The following CEP162 variants were observed in gnomAD, a reference collection of about 807,000 sequenced individuals.
The protein encoded by CEP162 is centrosomal protein of 162 kDa.
CEP162 carries 141 observed loss-of-function variants against 169.2 expected under a neutral mutation model. That is an observed-to-expected ratio of 0.83 (90% CI 0.73 to 0.96). The LOEUF is 0.96. Among genes scored for constraint, CEP162 ranks in the 40% least tolerant of loss-of-function variants. The pLI, the probability that CEP162 is intolerant of heterozygous loss-of-function variation, is 0.00. For missense variants in CEP162, 1,600 were observed against 1,587.2 expected (o/e 1.01, Z -0.14); for synonymous variants, 540 against 526.4 (o/e 1.03, Z -0.35).
In CEP162 at chr6:84,160,809, T is replaced by A. The variant is rs766912990; in HGVS notation, c.2781+3A>T. ...CTCATGAAAATTTACCCTGAACACA[T>A]ACTTGTCGCTCCAGATCCTGAATTT... On this transcript the variant is annotated splice_donor_region_variant and intron_variant, in intron 21 of 26. Transcript: ENST00000403245. The A allele has an allele frequency of 6.3e-7, 1 of 1,577,822 alleles. No individual in the cohort carries two copies. Among genetic ancestry groups the A allele is most frequent in the Non-Finnish European group, 8.7e-7 (1 of 1,147,400 alleles).
chr6:84,155,033 C>T (rs1463841346), intron 22 of CEP162, among the ~76,000 whole-genome samples: 1 of 152,078 alleles, frequency 6.6e-6, no homozygotes, highest in Non-Finnish European at 1.5e-5. Context: ...TCTGCTTTTT[C>T]ATGACTTAAT....
intron 22 of CEP162, among the ~76,000 whole-genome samples, chr6:84,153,699 G>A (rs187775241): frequency 5.9e-5 from 9 of 152,210 alleles, no homozygotes; most frequent in Admixed American, 5.2e-4. Context: ...TTTCTCCTAC[G>A]GAGGGAGGCA....
rs1238603391 is a variant in CEP162, at chr6:84,125,008, G to A, written c.*62C>T. The A allele has an allele frequency of 4.1e-6, 5 of 1,231,208 alleles. No individual in the cohort carries two copies. Among genetic ancestry groups the A allele is most frequent in the Non-Finnish European group, 4.7e-6 (4 of 852,922 alleles). The allele number at this position is 1,231,208 out of a possible 1,614,324, so 76.3% of individuals were successfully genotyped here. A position where few individuals can be genotyped will look rare whatever the true frequency, so the allele number is the denominator to read the frequency against. ...TTGTTTTTCATAAGCTGTCCTGACA[G>A]TGGCACAATCCCATCCATCTTCAGG... is the stretch of plus-strand genomic sequence containing the variant. On this transcript the variant is annotated 3_prime_UTR_variant, in exon 27 of 27. Coordinates refer to ENST00000403245, the MANE Select transcript of CEP162 (RefSeq NM_014895.4).
chr6:84,221,450 G>GA (rs1280715135), intron 2 of CEP162, among the ~76,000 whole-genome samples: 3 of 151,786 alleles, frequency 2.0e-5, no homozygotes, highest in Non-Finnish European at 4.4e-5. Context: ...TTTCAGCAAA[G>GA]AAAAAACGGG....
intron 25 of CEP162, among the ~76,000 whole-genome samples, chr6:84,129,481 C>G (rs1038871593): frequency 3.9e-5 from 6 of 152,164 alleles, no homozygotes; most frequent in Non-Finnish European, 7.3e-5. Flanking sequence ...GCATAAATGT[C>G]TTCTTTTGAA....
At position 84,124,991 on chromosome 6, in the gene CEP162, C is replaced by T. The variant is rs2099508321; in HGVS notation, c.*79G>A. On this transcript the variant is annotated 3_prime_UTR_variant, in exon 27 of 27. Transcript: ENST00000403245. ...GAAACATATTGGAACACTTGTTTTT[C>T]ATAAGCTGTCCTGACAGTGGCACAA... 6 of 1,056,064 alleles carry T rather than the reference C, an allele frequency of 5.7e-6. No homozygotes were observed. In the South Asian group the frequency reaches 5.9e-5, roughly 10 times the overall value. 65.4% of individuals were successfully genotyped at this position (1,056,064 alleles called of 1,614,324 possible).
intron 2 of CEP162, among the ~76,000 whole-genome samples, chr6:84,223,716 G>A (rs2099554649): frequency 6.6e-6 from 1 of 151,442 alleles, no homozygotes; most frequent in South Asian, 2.1e-4. Context: ...GGACCAGACT[G>A]GCCAACATGG....
At chr6:84,210,067 G>C (rs1002726985) in intron 6 of CEP162, among the ~76,000 whole-genome samples, 11 of 152,192 alleles carry the variant, frequency 7.2e-5, no homozygotes, top group African/African-American at 2.7e-4. Flanking sequence ...AAACATCAGA[G>C]ATAATATCTA....
intron 6 of CEP162, among the ~76,000 whole-genome samples, chr6:84,210,092 G>A (rs1253688443): frequency 6.6e-6 from 1 of 152,186 alleles, no homozygotes; most frequent in Non-Finnish European, 1.5e-5. Context: ...CTTCCACATT[G>A]TTCGGAAAAC....
At position 84,226,534 on chromosome 6, in the gene CEP162, TTA is replaced by T. The variant is rs1179218098; in HGVS notation, c.-59-84_-59-83del. On this transcript the variant is annotated intron_variant, in intron 1 of 26. Transcript: ENST00000403245. ...ACCAGACTTAAACTTCGGACATTTG[TTA>T]TGATTCAGTATATATGCACAATTTT... 4.5e-6 allele frequency: 3 copies of T among 663,372 alleles called. No homozygotes were observed. The African/African-American group carries it at 5.5e-5, about 12-fold the overall frequency. 41.1% of individuals were successfully genotyped at this position (663,372 alleles called of 1,614,324 possible).
chr6:84,144,730 A>C (rs1314767309), intron 25 of CEP162, among the ~76,000 whole-genome samples: 1 of 152,092 alleles, frequency 6.6e-6, no homozygotes, highest in Non-Finnish European at 1.5e-5. Context: ...GGACTAAGTA[A>C]ACTGATGAAG....
In CEP162 at chr6:84,175,279, A is replaced by C. The variant is rs760882056; in HGVS notation, c.1732T>G (p.Cys578Gly). Residue 578 changes from cysteine to glycine, a missense_variant, in exon 14 of 27, where the codon TGC becomes GGC. Physicochemically the swap from Cys to Gly is radical, Grantham distance 159. Transcript: ENST00000403245. ...LDKPAHKTES[C>G]LSTRKKSENP... Reference sequence around the variant, plus strand: ...TCAGACTTCTTACGAGTAGACAGGCAACTTTCAGTTTTGTGAGCTGGTTTA... The same window carrying C: ...TCAGACTTCTTACGAGTAGACAGGCCACTTTCAGTTTTGTGAGCTGGTTTA... The C allele has an allele frequency of 1.9e-6, 3 of 1,547,652 alleles. No homozygotes were observed. In the African/African-American group the frequency reaches 4.1e-5, roughly 21 times the overall value.
rs775051859 is a variant in CEP162, at chr6:84,194,993, T to G, written c.918A>C (p.Glu306Asp). ...YCHIAHSLGD[E>D]DKQKIESNTV... The stretch of plus-strand genomic sequence containing the variant: ...TGTTACTCTCAATTTTTTGTTTGTC[T>G]TCATCTCCCAATGAATGGGCTATAT... Residue 306 changes from glutamate (E) to aspartate (D), a missense_variant, in exon 10 of 27, where the codon GAA (glutamate) becomes GAC (aspartate). Physicochemically the swap from Glu to Asp is conservative, Grantham distance 45. Coordinates refer to ENST00000403245, the MANE Select transcript of CEP162 (RefSeq NM_014895.4). 1.9e-6 allele frequency: 3 copies of G among 1,613,172 alleles called. No individual in the cohort carries two copies. In the African/African-American group the frequency reaches 4.0e-5, roughly 21 times the overall value.
chr6:84,166,010 G>A (rs2099527667), intron 18 of CEP162, among the ~76,000 whole-genome samples: 1 of 152,096 alleles, frequency 6.6e-6, no homozygotes, highest in Admixed American at 6.6e-5. Flanking sequence ...CTACTTCATG[G>A]AATTACAGTA....
intron 6 of CEP162, among the ~76,000 whole-genome samples, chr6:84,209,883 C>A (rs138580596): frequency 1.3e-5 from 2 of 151,954 alleles, no homozygotes; most frequent in Non-Finnish European, 1.5e-5. Context: ...GAATAAAGTA[C>A]GTCTGAAGTA....
rs1562020180 is a variant in CEP162, at chr6:84,154,379, C to CTATCTATCTAT, written c.2994+918_2994+919insATAGATAGATA. Among the ~76,000 whole-genome samples the CTATCTATCTAT allele has an allele frequency of 2.0e-3, 249 of 124,822 alleles. 1 individual carries two copies. Among genetic ancestry groups the CTATCTATCTAT allele is most frequent in the African/African-American group, 8.2e-3 (241 of 29,308 alleles). The allele number at this position is 124,822 out of a possible 152,430, so 81.9% of individuals were successfully genotyped here. ...GTCTGTCTATCTATCTATCTATCTA[C>CTATCTATCTAT]CTATCTATCTATCTATCTATGTATC... On this transcript the variant is annotated intron_variant, in intron 22 of 26. Coordinates refer to ENST00000403245, the MANE Select transcript of CEP162 (RefSeq NM_014895.4).
intron 18 of CEP162, among the ~76,000 whole-genome samples, chr6:84,165,825 T>C (rs187179979): frequency 4.6e-5 from 7 of 152,340 alleles, no homozygotes; most frequent in African/African-American, 1.7e-4. Flanking sequence ...TATATAATCT[T>C]AGTTTCTAGC....
At chr6:84,180,608 C>G (rs2099534385) in intron 13 of CEP162, among the ~76,000 whole-genome samples, 1 of 150,810 alleles carries the variant, frequency 6.6e-6, no homozygotes, top group Non-Finnish European at 1.5e-5. Context: ...ATTGTCTCAG[C>G]CCAAAATCTC....
At chr6:84,193,822 C>T (rs2099540920) in intron 10 of CEP162, 132 bp from the exon 11 acceptor site, 6 of 477,734 alleles carry the variant, frequency 1.3e-5, no homozygotes, top group Middle Eastern at 5.0e-4. Context: ...CCTAGTTTTC[C>T]GTCTTAAGTT....
Sources: allele counts gnomAD v4.1 joint callset (sites outside exome capture counted in the v4.1 genomes callset), GRCh38; gene constraint gnomAD v4.1.1; transcripts MANE v1.5; gene names NCBI Gene and HGNC (gene_info 2026-07-23, HGNC 2026-07-21).